SLC1A1: variants seen among roughly 807,000 people sequenced by gnomAD.
SLC1A1 encodes the protein solute carrier family 1 member 1, also known as excitatory amino acid transporter 3.
SLC1A1 carries 43 observed loss-of-function variants against 53.3 expected under a neutral mutation model. The observed-to-expected ratio is 0.81, with a 90% CI of 0.63 to 1.04. The LOEUF (loss-of-function observed/expected upper bound fraction) is 1.04. Among genes scored for constraint, SLC1A1 ranks in the 50% least tolerant of loss-of-function variants. The pLI is 0.00. For missense variants in SLC1A1, 748 were observed against 664.9 expected (o/e 1.12, Z -1.37); for synonymous variants, 307 against 243.2 (o/e 1.26, Z -2.44).
chr9:4,491,247 G>A (rs1820227021), intron 1 of SLC1A1, among the ~76,000 whole-genome samples: 1 of 152,234 alleles, frequency 6.6e-6, no homozygotes, highest in African/African-American at 2.4e-5. Context: ...GGGATGGGCC[G>A]GACCCTTAGG....
chr9:4,531,909 G>A (rs1452811783), intron 1 of SLC1A1, among the ~76,000 whole-genome samples: 1 of 152,170 alleles, frequency 6.6e-6, no homozygotes, highest in East Asian at 1.9e-4. Context: ...AATATCCACT[G>A]TTCTGCAGTC....
rs750770395 is a variant in SLC1A1, at chr9:4,564,351, G to A, written c.333G>A (p.Val111=). ...CGCTGTTCTTGGCCACAGGTATTGT[G>A]CTGGTGGTGAGCATCAAGCCTGGTG... ...TTLIAVILGI[V]LVVSIKPGVT... is the part of the protein sequence containing the mutation. The change falls in exon 4 of 12, where the codon GTG becomes GTA. Residue 111 remains valine (V), a synonymous_variant. Transcript: ENST00000262352. 1.2e-6 allele frequency: 2 copies of A among 1,612,190 alleles called. No individual in the cohort carries two copies. Among genetic ancestry groups the A allele is most frequent in the South Asian group, 2.2e-5 (2 of 90,802 alleles).
chr9:4,583,304 C>G lies in SLC1A1; in HGVS notation c.1328+132C>G, dbSNP rs1416080184. On this transcript the variant is annotated intron_variant, in intron 11 of 11. Transcript: ENST00000262352. The surrounding 1 kb of genome is among the most constrained non-coding windows in gnomAD (Gnocchi z 4.6). ...CACCTGTTGCTGCTTTAATTTTCCT[C>G]TGACCAGGCCATCTGATAACATGCC... 7.9e-6 allele frequency: 9 copies of G among 1,143,576 alleles called. No homozygotes were observed. The highest frequency in any genetic ancestry group is 1.2e-5 in the Non-Finnish European group (9 of 763,080). The allele number at this position is 1,143,576 out of a possible 1,614,324, so 70.8% of individuals were successfully genotyped here.
At chr9:4,580,128 G>C (rs1820917005) in intron 10 of SLC1A1, among the ~76,000 whole-genome samples, 1 of 152,068 alleles carries the variant, frequency 6.6e-6, no homozygotes, top group South Asian at 2.1e-4. Context: ...CTACTCAGGA[G>C]GCTGAAGTGG....
chr9:4,502,389 G>GACA (rs1554674523), intron 1 of SLC1A1, among the ~76,000 whole-genome samples: 1 of 56,490 alleles, frequency 1.8e-5, no homozygotes, highest in African/African-American at 7.7e-5. Flanking sequence ...CCTGTCTCCA[G>GACA]AAAAAAAAAA....
At chr9:4,514,199 C>G (rs1053194862) in intron 1 of SLC1A1, among the ~76,000 whole-genome samples, 1 of 152,198 alleles carries the variant, frequency 6.6e-6, no homozygotes, top group Non-Finnish European at 1.5e-5. Context: ...CACATGTACA[C>G]ACACATACAA....
rs141021549 is a variant in SLC1A1, at chr9:4,551,098, A to C, written c.232+6391A>C. On this transcript the variant is annotated intron_variant, in intron 2 of 11. Coordinates refer to ENST00000262352, the MANE Select transcript of SLC1A1 (RefSeq NM_004170.6). ...CAAGGAGTATGAATGCACTGAAGAG[A>C]CTGAAGAATAGAGGGTGAGCAGAAT... is the stretch of plus-strand genomic sequence containing the variant. 1.6e-3 allele frequency among the ~76,000 whole-genome samples: 244 copies of C among 152,352 alleles called. 1 individual carries two copies. The highest frequency in any genetic ancestry group is 0.01 in the Middle Eastern group (3 of 294).
chr9:4,577,318 T>A (rs1820647395), intron 10 of SLC1A1, among the ~76,000 whole-genome samples: 1 of 152,198 alleles, frequency 6.6e-6, no homozygotes, highest in Admixed American at 6.5e-5. Context: ...AGTTACAGCA[T>A]ACAGATTTCT....
At chr9:4,582,920 C>A in intron 10 of SLC1A1, 118 bp from the exon 11 acceptor site, 1 of 1,320,754 alleles carries the variant, frequency 7.6e-7, no homozygotes, top group Non-Finnish European at 1.1e-6. Flanking sequence ...TCTAACTACC[C>A]AATTTAGGGA....
rs1056179274 is a variant in SLC1A1 at position 4,516,792 on chromosome 9, G to A, written c.91+26022G>A. Among the ~76,000 whole-genome samples the A allele has an allele frequency of 3.9e-4, 59 of 152,068 alleles. 1 individual carries two copies. Among genetic ancestry groups the A allele is most frequent in the Admixed American group, 2.6e-4 (4 of 15,266 alleles). ...GTTTATCTCATTTTATCCTCACAAT[G>A]AACCCATTATATGGAAGGGAACTTA... On this transcript the variant is annotated intron_variant, in intron 1 of 11. Transcript: ENST00000262352.
At position 4,585,984 on chromosome 9, in the gene SLC1A1, C is replaced by T. The variant is rs1399184215; in HGVS notation, c.*426C>T. 5.3e-6 allele frequency: 1 copy of T among 188,786 alleles called. No homozygotes were observed. Among genetic ancestry groups the T allele is most frequent in the Non-Finnish European group, 1.1e-5 (1 of 89,718 alleles). 11.7% of individuals were successfully genotyped at this position (188,786 alleles called of 1,614,324 possible). ...TATTGGCATGGATTTCCTTTGACCT[C>T]TCACTTTTTTATAAATTATAATGCA... On this transcript the variant is annotated 3_prime_UTR_variant, in exon 12 of 12. Coordinates refer to ENST00000262352, the MANE Select transcript of SLC1A1 (RefSeq NM_004170.6).
intron 11 of SLC1A1, among the ~76,000 whole-genome samples, chr9:4,584,652 T>G (rs1370406926): frequency 1.3e-5 from 2 of 152,238 alleles, no homozygotes; most frequent in African/African-American, 4.8e-5. Context: ...TCCTCTCCTC[T>G]GCAGTGTGCC....
intron 1 of SLC1A1, among the ~76,000 whole-genome samples, chr9:4,515,490 T>G (rs895212163): frequency 6.6e-6 from 1 of 152,130 alleles, no homozygotes; most frequent in Non-Finnish European, 1.5e-5. Flanking sequence ...AGTTTGTCAC[T>G]GGGGAAACAG....
At chr9:4,563,371 G>GA (rs1293881043) in intron 3 of SLC1A1, among the ~76,000 whole-genome samples, 1 of 152,116 alleles carries the variant, frequency 6.6e-6, no homozygotes, top group Non-Finnish European at 1.5e-5. Context: ...CAGACACAGA[G>GA]AAAAAATAGC....
intron 1 of SLC1A1, among the ~76,000 whole-genome samples, chr9:4,513,531 T>TA (rs879901433): frequency 6.6e-6 from 1 of 150,962 alleles, no homozygotes; most frequent in Non-Finnish European, 1.5e-5. Flanking sequence ...TTAGAGTGGC[T>TA]AAAAAAAAAT....
At chr9:4,531,262 G>A (rs1464909561) in intron 1 of SLC1A1, among the ~76,000 whole-genome samples, 4 of 152,218 alleles carry the variant, frequency 2.6e-5, no homozygotes, top group African/African-American at 7.2e-5. Flanking sequence ...GCGAGGCATC[G>A]CCTCACCCGG....
intron 1 of SLC1A1, among the ~76,000 whole-genome samples, chr9:4,535,546 A>G (rs1480798412): frequency 6.6e-6 from 1 of 152,174 alleles, no homozygotes; most frequent in Non-Finnish European, 1.5e-5. Context: ...CCACTGCTCA[A>G]TGAAATAAAA....
intron 11 of SLC1A1, 107 bp from the exon 12 acceptor site, chr9:4,585,196 AGCACTTTCT>A (rs1418685408): frequency 1.4e-6 from 2 of 1,382,404 alleles, no homozygotes; most frequent in Non-Finnish European, 2.0e-6. Context: ...CCATGAGGAC[AGCACTTTCT>A]GCACTTACTG....
intron 10 of SLC1A1, among the ~76,000 whole-genome samples, chr9:4,577,811 G>C (rs906654207): frequency 2.6e-5 from 4 of 152,202 alleles, no homozygotes; most frequent in Admixed American, 6.5e-5. Context: ...CAATATGGAA[G>C]ATATATTGGA....
Sources: allele counts gnomAD v4.1 joint callset (sites outside exome capture counted in the v4.1 genomes callset), GRCh38; gene constraint gnomAD v4.1.1; non-coding constraint Gnocchi (gnomAD v3.1); transcripts MANE v1.5; gene names NCBI Gene and HGNC (gene_info 2026-07-23, HGNC 2026-07-21).